The following GNA14 variants were observed in gnomAD, a reference collection of about 807,000 sequenced individuals.
The protein encoded by GNA14 is G protein subunit alpha 14, also known as guanine nucleotide-binding protein subunit alpha-14.
A neutral mutation model predicts 42.0 loss-of-function variants in GNA14; 50 were observed. The ratio of observed to expected loss-of-function variants is 1.19; its 90% confidence interval spans 0.95 to 1.51. The LOEUF (loss-of-function observed/expected upper bound fraction) is 1.51, where lower values mean the gene tolerates loss of function less well. GNA14 is among the 40% of genes most tolerant of loss of function. The pLI is 0.00. For synonymous variants in GNA14, 173 were observed against 163.1 expected, an observed-to-expected ratio of 1.06 and a Z score of -0.46; for missense variants, 473 against 446.2, an observed-to-expected ratio of 1.06 and a Z score of -0.54.
At chr9:77,585,485 CCTTT>C (rs2117871119) in intron 1 of GNA14, among the ~76,000 whole-genome samples, 1 of 152,308 alleles carries the variant, frequency 6.6e-6, no homozygotes, top group African/African-American at 2.4e-5. Context: ...ACAAACCTTA[CCTTT>C]CTTTACCATG....
intron 2 of GNA14, among the ~76,000 whole-genome samples, chr9:77,507,005 G>A (rs1837081853): frequency 6.6e-6 from 1 of 152,158 alleles, no homozygotes; most frequent in Non-Finnish European, 1.5e-5. Flanking sequence ...ATTTGGAAGT[G>A]TACAGGATAA....
At chr9:77,516,043 C>T (rs187265414) in intron 2 of GNA14, among the ~76,000 whole-genome samples, 203 of 143,582 alleles carry the variant, frequency 1.4e-3, no homozygotes, top group Middle Eastern at 4.1e-3. Context: ...GAGATGGGAA[C>T]TAACAGGGGC....
intron 4 of GNA14, among the ~76,000 whole-genome samples, chr9:77,429,522 TA>T (rs1835509810): frequency 6.6e-6 from 1 of 152,070 alleles, no homozygotes; most frequent in South Asian, 2.1e-4. Flanking sequence ...TTGTTCCCTA[TA>T]AAAACCTACA....
chr9:77,512,532 C>A (rs1286202098), intron 2 of GNA14, among the ~76,000 whole-genome samples: 1 of 152,010 alleles, frequency 6.6e-6, no homozygotes, highest in Non-Finnish European at 1.5e-5. Context: ...TTATCTTTTC[C>A]CACTCCATTC....
At chr9:77,448,664 G>A (rs974915680) in intron 2 of GNA14, among the ~76,000 whole-genome samples, 4 of 152,202 alleles carry the variant, frequency 2.6e-5, no homozygotes, top group Admixed American at 6.5e-5. Context: ...TGCTGCAGCC[G>A]TAATTCCTAA....
chr9:77,535,832 T>C (rs558506787), intron 1 of GNA14, among the ~76,000 whole-genome samples: 53 of 151,848 alleles, frequency 3.5e-4, no homozygotes, highest in African/African-American at 1.2e-3. Flanking sequence ...CCTGTGCTAA[T>C]AGAATATGCC....
chr9:77,600,031 AC>A (rs1317682480), intron 1 of GNA14, among the ~76,000 whole-genome samples: 1 of 152,232 alleles, frequency 6.6e-6, no homozygotes, highest in African/African-American at 2.4e-5. Flanking sequence ...CACAATGCAT[AC>A]ATACTTTAAA....
chr9:77,546,625 T>G (rs1296274136), intron 1 of GNA14, among the ~76,000 whole-genome samples: 1 of 152,178 alleles, frequency 6.6e-6, no homozygotes, highest in Non-Finnish European at 1.5e-5. Context: ...CCAAAAGCCC[T>G]TTGAGCCCCA....
chr9:77,438,644 G>T (rs1835678463), intron 2 of GNA14, among the ~76,000 whole-genome samples: 1 of 152,012 alleles, frequency 6.6e-6, no homozygotes, highest in Non-Finnish European at 1.5e-5. Flanking sequence ...ATGGTACAAA[G>T]ACTTCTTCTA....
At chr9:77,510,251 T>G (rs1433936921) in intron 2 of GNA14, among the ~76,000 whole-genome samples, 1 of 152,212 alleles carries the variant, frequency 6.6e-6, no homozygotes, top group African/African-American at 2.4e-5. Flanking sequence ...CTTCTTTCAT[T>G]TAACACAGGT....
At chr9:77,548,591 T>C (rs143836625) in intron 1 of GNA14, among the ~76,000 whole-genome samples, 8 of 152,284 alleles carry the variant, frequency 5.3e-5, no homozygotes, top group African/African-American at 1.9e-4. Flanking sequence ...TTCATGCACA[T>C]TTTCCACATA....
intron 2 of GNA14, among the ~76,000 whole-genome samples, chr9:77,498,089 C>T (rs1405016245): frequency 6.6e-6 from 1 of 152,144 alleles, no homozygotes; most frequent in Non-Finnish European, 1.5e-5. Context: ...TGAAAACAAG[C>T]TGTGTCGGGC....
intron 6 of GNA14, among the ~76,000 whole-genome samples, 173 bp downstream of exon 6, chr9:77,425,389 G>A (rs868856447): frequency 1.3e-5 from 2 of 152,100 alleles, no homozygotes; most frequent in Admixed American, 6.5e-5. Context: ...GAGGTGCTGT[G>A]GTGAAAACAC....
chr9:77,579,634 A>G (rs1823184183), intron 1 of GNA14, among the ~76,000 whole-genome samples: 1 of 152,170 alleles, frequency 6.6e-6, no homozygotes, highest in South Asian at 2.1e-4. Context: ...TTCTATAGGC[A>G]TGCCAAATAG....
chr9:77,590,962 T>TG (rs1292627367), intron 1 of GNA14, among the ~76,000 whole-genome samples: 1 of 152,158 alleles, frequency 6.6e-6, no homozygotes, highest in African/African-American at 2.4e-5. Flanking sequence ...AGACCTCTTT[T>TG]GGGGGGCAAA....
At chr9:77,534,335 C>G (rs1343822718) in intron 1 of GNA14, among the ~76,000 whole-genome samples, 1 of 152,148 alleles carries the variant, frequency 6.6e-6, no homozygotes, top group African/African-American at 2.4e-5. Context: ...ACAAAATAAC[C>G]AAGGATTGAA....
intron 2 of GNA14, among the ~76,000 whole-genome samples, chr9:77,449,498 T>C (rs1173868463): frequency 6.6e-6 from 1 of 152,182 alleles, no homozygotes; most frequent in Non-Finnish European, 1.5e-5. Context: ...TATCGTATTG[T>C]TTGTTTTTAC....
intron 1 of GNA14, among the ~76,000 whole-genome samples, chr9:77,641,463 C>A (rs1824266825): frequency 6.6e-6 from 1 of 151,518 alleles, no homozygotes; most frequent in Non-Finnish European, 1.5e-5. Context: ...CAGATGCCAC[C>A]CCCGAGAAGG....
chr9:77,456,612 A>C (rs535859951), intron 2 of GNA14: 1 of 152,352 alleles, frequency 6.6e-6, no homozygotes, highest in South Asian at 2.1e-4. Context: ...CTGTTTCCAT[A>C]TGGAAGACTT....
Sources: allele counts gnomAD v4.1 joint callset (sites outside exome capture counted in the v4.1 genomes callset), GRCh38; gene constraint gnomAD v4.1.1; transcripts MANE v1.5; gene names NCBI Gene and HGNC (gene_info 2026-07-23, HGNC 2026-07-21).